Variants in DAB1 observed in about 807,000 individuals in gnomAD.
DAB1 encodes the protein disabled homolog 1.
Under a neutral mutation model 64.6 loss-of-function variants are expected in DAB1, and 15 were observed. The ratio of observed to expected loss-of-function variants is 0.23; its 90% CI spans 0.16 to 0.36. DAB1 has a LOEUF of 0.36. Ranked by LOEUF, DAB1 falls within the 10% of genes least tolerant of loss-of-function variation. The pLI, the probability that DAB1 is intolerant of heterozygous loss-of-function variation, is 1.00. For missense variants in DAB1, 596 were observed against 706.7 expected, an observed-to-expected ratio of 0.84 and a Z score of 1.78; for synonymous variants, 235 against 251.9, an observed-to-expected ratio of 0.93 and a Z score of 0.64.
At chr1:57,912,601 G>C (rs896584970) in intron 5 of DAB1, among the ~76,000 whole-genome samples, 1 of 152,106 alleles carries the variant, frequency 6.6e-6, no homozygotes, top group Non-Finnish European at 1.5e-5. Flanking sequence ...AGGGCAATCA[G>C]GCAGGAGAAG....
At chr1:57,557,009 G>C (rs888470906) in intron 7 of DAB1, among the ~76,000 whole-genome samples, 2 of 152,078 alleles carry the variant, frequency 1.3e-5, no homozygotes, top group African/African-American at 4.8e-5. Context: ...GTTGAATAGG[G>C]TGCCCTTTCC....
chr1:57,827,891 T>C (rs1652421164), intron 1 of DAB1, among the ~76,000 whole-genome samples: 1 of 152,162 alleles, frequency 6.6e-6, no homozygotes, highest in African/African-American at 2.4e-5. Flanking sequence ...CTTACATTAC[T>C]TTATTATTTG....
At chr1:57,227,976 A>G (rs991710633) in intron 2 of DAB1, among the ~76,000 whole-genome samples, 22 of 152,182 alleles carry the variant, frequency 1.4e-4, no homozygotes, top group Non-Finnish European at 2.1e-4. Context: ...AGTTAGAGGC[A>G]TTAGTTATGG....
chr1:57,622,056 T>C (rs1386048329), intron 7 of DAB1, among the ~76,000 whole-genome samples: 1 of 152,176 alleles, frequency 6.6e-6, no homozygotes, highest in Non-Finnish European at 1.5e-5. Flanking sequence ...GGGCAGGTAT[T>C]TATACTCGAC....
At chr1:57,247,881 A>G (rs992958088) in intron 2 of DAB1, among the ~76,000 whole-genome samples, 2 of 152,238 alleles carry the variant, frequency 1.3e-5, no homozygotes, top group Non-Finnish European at 2.9e-5. Flanking sequence ...AGAAAATGGC[A>G]GAGCCTCCTT....
At chr1:57,373,974 T>C (rs111696426) in intron 1 of DAB1, among the ~76,000 whole-genome samples, 180 of 152,300 alleles carry the variant, frequency 1.2e-3, no homozygotes, top group African/African-American at 4.0e-3. Context: ...GATAAAGAAG[T>C]ATGCACATTT....
At chr1:57,178,138 T>C (rs1662529641) in intron 2 of DAB1, among the ~76,000 whole-genome samples, 1 of 152,144 alleles carries the variant, frequency 6.6e-6, no homozygotes, top group South Asian at 2.1e-4. Flanking sequence ...ATTAACTCAC[T>C]GTTTGTAAGA....
At chr1:58,162,593 C>T (rs1020664128) in intron 4 of DAB1, among the ~76,000 whole-genome samples, 20 of 152,166 alleles carry the variant, frequency 1.3e-4, no homozygotes, top group Admixed American at 9.2e-4. Flanking sequence ...AACACATTCA[C>T]AAACACTCAC....
intron 1 of DAB1, among the ~76,000 whole-genome samples, chr1:57,361,309 G>A (rs1026112340): frequency 6.6e-6 from 1 of 152,090 alleles, no homozygotes; most frequent in African/African-American, 2.4e-5. Context: ...AGATGAAGCT[G>A]AAAATGAGAA....
chr1:57,708,042 A>G (rs143102525), intron 6 of DAB1, among the ~76,000 whole-genome samples: 91 of 152,222 alleles, frequency 6.0e-4, no homozygotes, highest in African/African-American at 1.7e-3. Flanking sequence ...GGCCACTATC[A>G]CTGGCACTGC....
chr1:57,270,976 T>G (rs1670950496), intron 2 of DAB1, among the ~76,000 whole-genome samples: 1 of 152,128 alleles, frequency 6.6e-6, no homozygotes, highest in African/African-American at 2.4e-5. Flanking sequence ...AAGTCCAAGT[T>G]TCCAAAGACT....
chr1:57,040,321 G>A (rs188881313), intron 9 of DAB1, among the ~76,000 whole-genome samples: 8 of 152,112 alleles, frequency 5.3e-5, no homozygotes, highest in Admixed American at 1.3e-4. Context: ...ATGATATAGC[G>A]CTCTCTGTGC....
intron 6 of DAB1, among the ~76,000 whole-genome samples, chr1:57,704,513 A>C (rs1194087674): frequency 6.6e-6 from 1 of 152,210 alleles, no homozygotes; most frequent in Non-Finnish European, 1.5e-5. Flanking sequence ...ACCATTTTCA[A>C]ACACAAAGTA....
At chr1:57,366,550 T>A (rs1044442501) in intron 1 of DAB1, among the ~76,000 whole-genome samples, 3 of 152,236 alleles carry the variant, frequency 2.0e-5, no homozygotes, top group African/African-American at 7.2e-5. Context: ...TAGCACAGTG[T>A]TTCACACATG....
At chr1:58,344,616 A>G (rs897869687) in intron 3 of DAB1, among the ~76,000 whole-genome samples, 2 of 152,228 alleles carry the variant, frequency 1.3e-5, no homozygotes, top group Non-Finnish European at 2.9e-5. Context: ...CCTTCTGGAT[A>G]TAAAACTCTG....
intron 1 of DAB1, chr1:58,542,657 C>G (rs1477600242): frequency 6.6e-6 from 1 of 152,112 alleles, no homozygotes; most frequent in Non-Finnish European, 1.5e-5. Context: ...AGTCAAACTG[C>G]AAAAACAACC....
At chr1:57,226,675 ATATAT>A (rs1557978343) in intron 2 of DAB1, among the ~76,000 whole-genome samples, 2 of 125,786 alleles carry the variant, frequency 1.6e-5, no homozygotes, top group East Asian at 2.3e-4. Context: ...AAAAAAAAAT[ATATAT>A]ATATATATAT....
At chr1:57,763,827 T>C (rs1441181199) in intron 6 of DAB1, among the ~76,000 whole-genome samples, 1 of 152,162 alleles carries the variant, frequency 6.6e-6, no homozygotes, top group East Asian at 1.9e-4. Context: ...TCATTCTTGA[T>C]AGTGTGTTTG....
chr1:57,662,389 T>C (rs1384654767), intron 6 of DAB1, among the ~76,000 whole-genome samples: 1 of 152,000 alleles, frequency 6.6e-6, no homozygotes, highest in African/African-American at 2.4e-5. Context: ...AGAGATGGGG[T>C]TTCTCCATGT....
Sources: gnomAD v4.1 joint callset for allele counts (sites outside exome capture counted in the v4.1 genomes callset) on GRCh38, gnomAD v4.1.1 for gene constraint, MANE v1.5 for transcripts, NCBI Gene and HGNC (gene_info 2026-07-23, HGNC 2026-07-21) for gene names.